GPHN: variants seen among roughly 807,000 people sequenced by gnomAD.
The protein encoded by GPHN is gephyrin.
GPHN carries 17 observed loss-of-function variants against 95.5 expected under a neutral mutation model. The ratio of observed to expected loss-of-function variants is 0.18; its 90% CI spans 0.12 to 0.27. The LOEUF (loss-of-function observed/expected upper bound fraction) is 0.27, where lower values mean the gene tolerates loss of function less well. GPHN is among the 10% of genes least tolerant of loss of function. The probability of loss-of-function intolerance (pLI) is 1.00; values close to 1 mark genes in which losing one functional copy is unlikely to be tolerated. For missense variants in GPHN, 660 were observed against 978.1 expected (o/e 0.67, Z 4.34); for synonymous variants, 320 against 322.5 (o/e 0.99, Z 0.08).
At chr14:67,046,189 TTGA>T (rs2075007089) in intron 10 of GPHN, among the ~76,000 whole-genome samples, 1 of 152,100 alleles carries the variant, frequency 6.6e-6, no homozygotes, top group African/African-American at 2.4e-5. Flanking sequence ...CTAATTTATG[TTGA>T]TGATAAATTT....
chr14:67,459,610 C>T, the GPHN span, among the ~76,000 whole-genome samples: 21,398 of 152,240 alleles, frequency 0.14, 1,765 homozygotes, highest in African/African-American at 0.22. Flanking sequence ...GCAAACACAG[C>T]TTGATTTGAA....
At chr14:67,180,042 G>A (rs1347892509) in intron 22 of GPHN, among the ~76,000 whole-genome samples, 5 of 152,194 alleles carry the variant, frequency 3.3e-5, no homozygotes, top group African/African-American at 1.2e-4. Context: ...AATGTGAGAT[G>A]AAAGCCCAAT....
At chr14:66,801,404 C>T (rs112258177) in intron 3 of GPHN, among the ~76,000 whole-genome samples, 78 of 152,286 alleles carry the variant, frequency 5.1e-4, no homozygotes, top group African/African-American at 1.6e-3. Context: ...GCATCCCAAG[C>T]CCAGTAACGC....
chr14:67,462,115 G>A, the GPHN span, among the ~76,000 whole-genome samples: 2 of 152,344 alleles, frequency 1.3e-5, no homozygotes, highest in African/African-American at 2.4e-5. Context: ...GAGGTCTCCT[G>A]GAGGTGGGGT....
the GPHN span, among the ~76,000 whole-genome samples, chr14:67,268,688 G>A: frequency 1.3e-5 from 2 of 152,222 alleles, no homozygotes. Context: ...TTAGCATATA[G>A]TGAGCAGTGA....
chr14:67,475,745 T>G, the GPHN span, among the ~76,000 whole-genome samples: 2 of 152,152 alleles, frequency 1.3e-5, no homozygotes, highest in Non-Finnish European at 2.9e-5. Flanking sequence ...TCCCCTCTTT[T>G]AAACCCCACC....
the GPHN span, among the ~76,000 whole-genome samples, chr14:67,284,438 A>AAAAAAAAAAAAAAAAAAAC: frequency 2.7e-5 from 4 of 145,720 alleles, no homozygotes; most frequent in African/African-American, 5.1e-5. Flanking sequence ...TTAAAAAAAA[A>AAAAAAAAAAAAAAAAAAAC]AAAAAACAGC....
chr14:67,572,002 G>A, the GPHN span: 590 of 1,491,114 alleles, frequency 4.0e-4, 5 homozygotes, highest in East Asian at 3.6e-3. Flanking sequence ...ATCTGAGCTC[G>A]TGACCCCCCA....
chr14:66,838,196 G>A (rs577278527), intron 4 of GPHN, among the ~76,000 whole-genome samples: 17 of 152,224 alleles, frequency 1.1e-4, no homozygotes, highest in Admixed American at 5.9e-4. Context: ...TAAAATGATA[G>A]TAAGAGTACT....
Position 66,508,360 on chromosome 14 carries a change from C to T in GPHN, c.-168C>T, listed in dbSNP as rs908542796. On this transcript the variant is annotated 5_prime_UTR_variant, in exon 1 of 23. Transcript: ENST00000478722. ...CGCACTCCCGGCGCGGCCTCTCCCC[C>T]ACGCAGGCCACCGTGCACTCTGTGG... The T allele has an allele frequency of 1.7e-4, 115 of 693,962 alleles. No homozygotes were observed. Among genetic ancestry groups the T allele is most frequent in the Admixed American group, 6.3e-5 (3 of 47,330 alleles). The allele number at this position is 693,962 out of a possible 1,614,324, so 43.0% of individuals were successfully genotyped here.
At position 67,122,312 on chromosome 14, in the gene GPHN, A is replaced by G. The variant is rs1465831923; in HGVS notation, c.1683A>G (p.Ser561=). 6.2e-7 allele frequency: 1 copy of G among 1,613,228 alleles called. No individual in the cohort carries two copies. Among genetic ancestry groups the G allele is most frequent in the Non-Finnish European group, 8.5e-7 (1 of 1,179,176 alleles). The change falls in exon 17 of 23, where the codon TCA becomes TCG. Residue 561 remains serine, a synonymous_variant. Coordinates refer to ENST00000478722, the MANE Select transcript of GPHN (RefSeq NM_020806.5). ...LPGKIRDSNR[S]TLLATIQEHG... is the part of the protein sequence containing the mutation. ...GGAAGATTCGAGACAGCAATCGTTC[A>G]ACTCTTCTAGCAACAATTCAGGAAC...
intron 1 of GPHN, among the ~76,000 whole-genome samples, chr14:66,611,416 A>G (rs1054579367): frequency 6.6e-6 from 1 of 152,164 alleles, no homozygotes; most frequent in African/African-American, 2.4e-5. Flanking sequence ...TTCTGTAGAG[A>G]CAAAAAAGCA....
intron 10 of GPHN, among the ~76,000 whole-genome samples, chr14:67,035,674 T>A (rs931573964): frequency 1.3e-5 from 2 of 151,886 alleles, no homozygotes; most frequent in African/African-American, 2.4e-5. Context: ...AGTCACAGTC[T>A]TGGTGACTGA....
intron 18 of GPHN, among the ~76,000 whole-genome samples, chr14:67,144,218 C>A (rs2080684724): frequency 8.7e-6 from 1 of 115,604 alleles, no homozygotes; most frequent in Non-Finnish European, 1.6e-5. Flanking sequence ...ACCTGGGCAA[C>A]ACAGCAAGAC....
chr14:66,509,513 G>C (rs958115544), intron 1 of GPHN: 3 of 152,266 alleles, frequency 2.0e-5, no homozygotes, highest in Non-Finnish European at 2.9e-5. Flanking sequence ...TCACTTCGGC[G>C]ATCGGCAGTT....
At chr14:66,717,300 C>G (rs574588922) in intron 2 of GPHN, among the ~76,000 whole-genome samples, 1 of 152,044 alleles carries the variant, frequency 6.6e-6, no homozygotes, top group Non-Finnish European at 1.5e-5. Context: ...TGAGACTTTC[C>G]GGAGCATTTT....
At chr14:67,626,515 C>T in the GPHN span, among the ~76,000 whole-genome samples, 1 of 152,144 alleles carries the variant, frequency 6.6e-6, no homozygotes, top group Non-Finnish European at 1.5e-5. Context: ...AACATATATT[C>T]ACACAAACTT....
chr14:67,266,181 G>T, the GPHN span, among the ~76,000 whole-genome samples: 3 of 152,098 alleles, frequency 2.0e-5, no homozygotes, highest in African/African-American at 7.2e-5. Context: ...TAAAATTAAA[G>T]AAATATATAT....
rs35159325 is a variant in GPHN, at chr14:66,932,444, G to GTTTTTTTTTTT, written c.828+8178_828+8188dup. Reference sequence around the variant, plus strand: ...AGGTGGGGAATCCTGCCAAGACCAGGTTTTTTTTTTTTTTTTTTTTTTTTT... The same window carrying GTTTTTTTTTTT: ...AGGTGGGGAATCCTGCCAAGACCAGGTTTTTTTTTTTTTTTTTTTTTTTTTTTTTTTTTTTT... On this transcript the variant is annotated intron_variant, in intron 8 of 22. Transcript: ENST00000478722. Among the ~76,000 whole-genome samples the GTTTTTTTTTTT allele has an allele frequency of 1.6e-3, 40 of 24,392 alleles. 11 individuals are homozygous for GTTTTTTTTTTT. Among genetic ancestry groups the GTTTTTTTTTTT allele is most frequent in the Non-Finnish European group, 2.5e-3 (35 of 13,732 alleles). The allele number at this position is 24,392 out of a possible 152,430, so 16.0% of individuals were successfully genotyped here. A position where few individuals can be genotyped will look rare whatever the true frequency, so the allele number is the denominator to read the frequency against.
Sources: allele counts gnomAD v4.1 joint callset (sites outside exome capture counted in the v4.1 genomes callset), GRCh38; gene constraint gnomAD v4.1.1; transcripts MANE v1.5; gene names NCBI Gene and HGNC (gene_info 2026-07-23, HGNC 2026-07-21).